The following XPNPEP3 variants were observed in gnomAD, a reference collection of about 807,000 sequenced individuals.
XPNPEP3 encodes xaa-Pro aminopeptidase 3.
A neutral mutation model predicts 60.0 loss-of-function variants in XPNPEP3; 41 were observed. The observed-to-expected ratio is 0.68, with a 90% CI of 0.53 to 0.89. The LOEUF is 0.89. XPNPEP3 is among the 40% of genes least tolerant of loss of function. The pLI is 0.00. For synonymous variants in XPNPEP3, 212 were observed against 223.2 expected (o/e 0.95, Z 0.45); for missense variants, 598 against 638.9 (o/e 0.94, Z 0.69).
At chr22:40,892,080 AT>A (rs1407724709) in intron 4 of XPNPEP3, among the ~76,000 whole-genome samples, 1 of 152,184 alleles carries the variant, frequency 6.6e-6, no homozygotes, top group Non-Finnish European at 1.5e-5. Flanking sequence ...GTTAAGACCC[AT>A]TTTGATAGCA....
At chr22:40,905,801 C>CT (rs919042932) in intron 4 of XPNPEP3, among the ~76,000 whole-genome samples, 15 of 148,482 alleles carry the variant, frequency 1.0e-4, no homozygotes, top group East Asian at 2.0e-4. Flanking sequence ...TTCATGTTTT[C>CT]TTTTTTTTTT....
intron 2 of XPNPEP3, among the ~76,000 whole-genome samples, chr22:40,875,264 C>A (rs2058023380): frequency 6.6e-6 from 1 of 152,108 alleles, no homozygotes; most frequent in Non-Finnish European, 1.5e-5. Context: ...CAGTCTCGAC[C>A]TCCCAAGCGA....
intron 1 of XPNPEP3, among the ~76,000 whole-genome samples, chr22:40,866,185 C>G (rs1026532450): frequency 2.0e-5 from 3 of 152,050 alleles, no homozygotes; most frequent in African/African-American, 7.2e-5. Flanking sequence ...AGAAGCCAGA[C>G]TCATTGACTT....
chr22:40,874,025 C>T (rs1425935162), intron 2 of XPNPEP3, among the ~76,000 whole-genome samples: 3 of 151,914 alleles, frequency 2.0e-5, no homozygotes, highest in Non-Finnish European at 4.4e-5. Flanking sequence ...ATTTTTAAAA[C>T]TTGTTAAATA....
At position 40,914,289 on chromosome 22, in the gene XPNPEP3, G is replaced by C; in HGVS notation, c.1020G>C (p.Val340=). 1 of 1,614,114 alleles carries C rather than the reference G, an allele frequency of 6.2e-7. No individual in the cohort carries two copies. Among genetic ancestry groups the C allele is most frequent in the Non-Finnish European group, 8.5e-7 (1 of 1,180,014 alleles). The change falls in exon 7 of 10, where the codon GTG becomes GTC. Residue 340 remains valine (V), a synonymous_variant. Transcript: ENST00000357137. ...LDGGCESSCY[V]SDITRTWPVN... ...GAGGTTGTGAGTCTTCCTGCTATGT[G>C]AGTGACATCACACGTACGTGGCCAG...
chr22:40,900,932 C>G (rs544804069), intron 4 of XPNPEP3, among the ~76,000 whole-genome samples: 18 of 151,650 alleles, frequency 1.2e-4, no homozygotes, highest in African/African-American at 4.1e-4. Context: ...GACCCTGTCT[C>G]AAAACAATAA....
intron 2 of XPNPEP3, among the ~76,000 whole-genome samples, chr22:40,878,096 C>T (rs187541425): frequency 2.1e-4 from 32 of 151,874 alleles, no homozygotes; most frequent in Non-Finnish European, 4.6e-4. Flanking sequence ...ATCCCAGCTA[C>T]TTGGGAACCT....
rs2145765018 is a variant in XPNPEP3 at position 40,860,928 on chromosome 22, A to G, written c.64+3683A>G. ...TTTTCTGACATACCCATTCAAAAAAACTACTAACCAAATGTCCACAATCCT... is the reference window on the plus strand; with the variant it reads ...TTTTCTGACATACCCATTCAAAAAAGCTACTAACCAAATGTCCACAATCCT... On this transcript the variant is annotated intron_variant, in intron 1 of 9. Coordinates refer to ENST00000357137, the MANE Select transcript of XPNPEP3 (RefSeq NM_022098.4). The G allele has an allele frequency of 3.5e-6, 3 of 866,158 alleles. 1 individual carries two copies. The South Asian group carries it at 5.8e-5, about 17-fold the overall frequency. The allele number at this position is 866,158 out of a possible 1,614,324, so 53.7% of individuals were successfully genotyped here.
intron 2 of XPNPEP3, among the ~76,000 whole-genome samples, chr22:40,875,830 G>A (rs1310525739): frequency 2.7e-5 from 4 of 148,302 alleles, no homozygotes; most frequent in African/African-American, 1.0e-4. Context: ...CCTGGCCAAC[G>A]TAGCAAACTC....
intron 4 of XPNPEP3, chr22:40,907,054 A>G (rs1426225104): frequency 4.4e-6 from 2 of 456,204 alleles, no homozygotes; most frequent in African/African-American, 4.0e-5. Flanking sequence ...CTGTCACCCC[A>G]ATGGGGATTA....
intron 2 of XPNPEP3, among the ~76,000 whole-genome samples, chr22:40,878,550 T>TA (rs1381531002): frequency 1.3e-5 from 2 of 152,102 alleles, no homozygotes; most frequent in African/African-American, 2.4e-5. Context: ...TGGATTTTCT[T>TA]ACCTTCTGAA....
At chr22:40,896,871 C>T (rs752836202) in intron 4 of XPNPEP3, among the ~76,000 whole-genome samples, 1 of 152,094 alleles carries the variant, frequency 6.6e-6, no homozygotes, top group Non-Finnish European at 1.5e-5. Flanking sequence ...ATTCTAATTA[C>T]TTCATATAAG....
intron 4 of XPNPEP3, among the ~76,000 whole-genome samples, chr22:40,906,122 A>C (rs2058154525): frequency 6.6e-6 from 1 of 150,658 alleles, no homozygotes; most frequent in African/African-American, 2.5e-5. Context: ...GTTTGTTTTT[A>C]GAGAGATAGT....
intron 7 of XPNPEP3, among the ~76,000 whole-genome samples, chr22:40,920,707 C>T (rs1188442872): frequency 6.6e-6 from 1 of 152,172 alleles, no homozygotes; most frequent in African/African-American, 2.4e-5. Context: ...GTTCCTTCTA[C>T]CATTATCCCA....
chr22:40,902,095 T>G (rs2058135799), intron 4 of XPNPEP3, among the ~76,000 whole-genome samples: 2 of 143,944 alleles, frequency 1.4e-5, no homozygotes, highest in South Asian at 4.4e-4. Flanking sequence ...TTTTTTGAGA[T>G]GGAGTCTCGC....
chr22:40,931,729 C>T lies in XPNPEP3; in HGVS notation c.*5294C>T, dbSNP rs2058255381. ...GTCTCAATAAAAAAGAAGAGAAAAA[C>T]TGGAGTGAGAACTCTCCTCCTCTCA... On this transcript the variant is annotated 3_prime_UTR_variant, in exon 10 of 10. Coordinates refer to ENST00000357137, the MANE Select transcript of XPNPEP3 (RefSeq NM_022098.4). The T allele has an allele frequency of 6.6e-6, 1 of 152,244 alleles. No homozygotes were observed. The highest frequency in any genetic ancestry group is 1.9e-4 in the East Asian group (1 of 5,184). The allele number at this position is 152,244 out of a possible 1,614,324, so 9.4% of individuals were successfully genotyped here. A position where few individuals can be genotyped will look rare whatever the true frequency, so the allele number is the denominator to read the frequency against.
At chr22:40,901,823 G>C (rs914191395) in intron 4 of XPNPEP3, among the ~76,000 whole-genome samples, 6 of 152,300 alleles carry the variant, frequency 3.9e-5, no homozygotes, top group Non-Finnish European at 8.8e-5. Flanking sequence ...ACAAAAAGCA[G>C]ATTAGAGGAT....
At chr22:40,899,838 G>A (rs9611432) in intron 4 of XPNPEP3, among the ~76,000 whole-genome samples, 2,481 of 59,728 alleles carry the variant, frequency 0.042, 193 homozygotes, top group East Asian at 0.21. Context: ...AAAAAAAAAA[G>A]GAATGAAGTT....
At chr22:40,864,872 G>A in intron 1 of XPNPEP3, among the ~76,000 whole-genome samples, 1 of 152,180 alleles carries the variant, frequency 6.6e-6, no homozygotes, top group Non-Finnish European at 1.5e-5. Flanking sequence ...AGCCCAGTAG[G>A]TCTTAGCCTT....
Sources: allele counts gnomAD v4.1 joint callset (sites outside exome capture counted in the v4.1 genomes callset), GRCh38; gene constraint gnomAD v4.1.1; transcripts MANE v1.5; gene names NCBI Gene and HGNC (gene_info 2026-07-23, HGNC 2026-07-21).